ZC3H11A: variants seen among roughly 807,000 people sequenced by gnomAD.
The protein encoded by ZC3H11A is zinc finger CCCH-type containing 11A.
ZC3H11A carries 22 observed loss-of-function variants against 90.8 expected under a neutral mutation model. The ratio of observed to expected loss-of-function variants is 0.24; its 90% CI spans 0.17 to 0.35. The LOEUF (loss-of-function observed/expected upper bound fraction) is 0.35. ZC3H11A is among the 10% of genes least tolerant of loss of function. ZC3H11A has a pLI of 1.00. For missense variants in ZC3H11A, 701 were observed against 964.9 expected (o/e 0.73, Z 3.62); for synonymous variants, 294 against 339.8 (o/e 0.87, Z 1.48).
At position 203,848,312 on chromosome 1, in the gene ZC3H11A, GT is replaced by G; in HGVS notation, c.1547-18del. The G allele has an allele frequency of 6.3e-7, 1 of 1,586,504 alleles. No homozygotes were observed. Among genetic ancestry groups the G allele is most frequent in the Non-Finnish European group, 8.6e-7 (1 of 1,168,056 alleles). On this transcript the variant is annotated intron_variant, in intron 13 of 17. Coordinates refer to ENST00000367210, the MANE Select transcript of ZC3H11A (RefSeq NM_001376342.1). ...CAGCTTAAATAAAATAACTAATGAT[GT>G]CTTTAATGTGAATACAGGGATGAAA...
intron 1 of ZC3H11A, chr1:203,800,220 C>T: frequency 6.9e-7 from 1 of 1,439,188 alleles, no homozygotes; most frequent in Non-Finnish European, 9.4e-7. Flanking sequence ...GGCTTTGACC[C>T]AGGTTGCCAT....
intron 12 of ZC3H11A, among the ~76,000 whole-genome samples, chr1:203,845,108 C>A (rs1438916218): frequency 6.6e-6 from 1 of 152,084 alleles, no homozygotes; most frequent in Non-Finnish European, 1.5e-5. Context: ...ACAGAACTCA[C>A]GCCTATGGTT....
Position 203,825,063 on chromosome 1 carries a change from C to T in ZC3H11A, c.175-3236C>T, listed in dbSNP as rs1283190975. 6.0e-5 allele frequency among the ~76,000 whole-genome samples: 7 copies of T among 116,794 alleles called. No individual in the cohort carries two copies. The East Asian group carries it at 7.5e-4, about 13-fold the overall frequency. The allele number at this position is 116,794 out of a possible 152,430, so 76.6% of individuals were successfully genotyped here. Reference sequence around the variant, plus strand: ...CTGCACTCCAACCTGGGCAACAGAGCGAGACTCCGTCTCAAAAAAAAAAAA... The same window carrying T: ...CTGCACTCCAACCTGGGCAACAGAGTGAGACTCCGTCTCAAAAAAAAAAAA... On this transcript the variant is annotated intron_variant, in intron 4 of 17. Transcript: ENST00000367210.
intron 12 of ZC3H11A, 96 bp downstream of exon 12, chr1:203,840,470 T>C: frequency 8.0e-7 from 1 of 1,256,416 alleles, no homozygotes; most frequent in Non-Finnish European, 1.1e-6. Context: ...CTAGGGCTTT[T>C]GATTTTTGTT....
intron 2 of ZC3H11A, among the ~76,000 whole-genome samples, chr1:203,810,651 C>T (rs905604315): frequency 6.6e-6 from 1 of 152,018 alleles, no homozygotes; most frequent in East Asian, 1.9e-4. Context: ...GATCTCCTGA[C>T]CTCGTGATCC....
intron 1 of ZC3H11A, chr1:203,798,183 G>A (rs1286681643): frequency 1.3e-6 from 2 of 1,536,112 alleles, no homozygotes; most frequent in Non-Finnish European, 1.7e-6. Context: ...TATTCCTACT[G>A]ATCCATTAGA....
intron 2 of ZC3H11A, chr1:203,806,110 CCT>C (rs958781184): frequency 1.2e-5 from 6 of 498,920 alleles, no homozygotes; most frequent in African/African-American, 1.2e-4. Flanking sequence ...TGTAGGACCC[CCT>C]CTCATCTTGA....
At chr1:203,831,567 A>G (rs1682387433) in intron 8 of ZC3H11A, 94 bp from the exon 9 acceptor site, 2 of 958,378 alleles carry the variant, frequency 2.1e-6, no homozygotes, top group Non-Finnish European at 3.3e-6. Flanking sequence ...ATCAGTCTGT[A>G]TTGGACTTAA....
chr1:203,799,584 G>C (rs951463211), intron 1 of ZC3H11A: 2 of 702,946 alleles, frequency 2.8e-6, no homozygotes, highest in African/African-American at 3.5e-5. Context: ...AATGACTTAT[G>C]TTTGTGATAT....
At chr1:203,847,139 G>T in intron 12 of ZC3H11A, 45 bp from the exon 13 acceptor site, 1 of 1,600,144 alleles carries the variant, frequency 6.2e-7, no homozygotes, top group South Asian at 1.1e-5. Flanking sequence ...GTCAGTAAGA[G>T]ATGAACTTCA....
At chr1:203,806,230 G>T in intron 2 of ZC3H11A, 1 of 370,008 alleles carries the variant, frequency 2.7e-6, no homozygotes, top group South Asian at 2.2e-5. Flanking sequence ...GGGCAGCGGA[G>T]CCTTAATTTC....
rs1676586253 is a variant in ZC3H11A, at chr1:203,816,958, G to A, written c.-113G>A. Reference sequence around the variant, plus strand: ...GTTTAAAGACAATTTCTGTGATCAAGTTGTCATTTGGAAGATTAAACCCAT... The same window carrying A: ...GTTTAAAGACAATTTCTGTGATCAAATTGTCATTTGGAAGATTAAACCCAT... On this transcript the variant is annotated 5_prime_UTR_variant, in exon 3 of 18. Coordinates refer to ENST00000367210, the MANE Select transcript of ZC3H11A (RefSeq NM_001376342.1). The A allele has an allele frequency of 1.6e-6, 1 of 612,018 alleles. No individual in the cohort carries two copies. Among genetic ancestry groups the A allele is most frequent in the African/African-American group, 1.9e-5 (1 of 52,478 alleles). 37.9% of individuals were successfully genotyped at this position (612,018 alleles called of 1,614,324 possible).
intron 5 of ZC3H11A, 76 bp downstream of exon 5, chr1:203,828,498 A>G: frequency 6.7e-7 from 1 of 1,501,930 alleles, no homozygotes; most frequent in Non-Finnish European, 9.0e-7. Flanking sequence ...TACTTTTCAG[A>G]CATTGACTCC....
intron 2 of ZC3H11A, among the ~76,000 whole-genome samples, chr1:203,816,324 A>G (rs1187412477): frequency 6.6e-6 from 1 of 152,124 alleles, no homozygotes; most frequent in African/African-American, 2.4e-5. Flanking sequence ...ATATATACAT[A>G]TATGTATAAT....
intron 3 of ZC3H11A, 83 bp from the exon 4 acceptor site, chr1:203,818,486 TA>T: frequency 3.2e-6 from 5 of 1,581,586 alleles, no homozygotes; most frequent in Non-Finnish European, 4.3e-6. Flanking sequence ...TGTGCTTGTC[TA>T]AATTCCAGGA....
chr1:203,838,701 A>G (rs549919419), intron 11 of ZC3H11A, among the ~76,000 whole-genome samples: 34 of 152,322 alleles, frequency 2.2e-4, no homozygotes, highest in African/African-American at 8.2e-4. Flanking sequence ...CTGTAATCCC[A>G]GTACTTTGGG....
At chr1:203,815,769 G>T (rs1301853881) in intron 2 of ZC3H11A, among the ~76,000 whole-genome samples, 1 of 152,102 alleles carries the variant, frequency 6.6e-6, no homozygotes, top group African/African-American at 2.4e-5. Context: ...GACTGAATTT[G>T]ATTTAATTGA....
Position 203,807,972 on chromosome 1 carries a change from G to T in ZC3H11A, c.-146+4956G>T, listed in dbSNP as rs1672953146. On this transcript the variant is annotated intron_variant, in intron 2 of 17. Transcript: ENST00000367210. ...GCCCAGGCTGGTCTTGAACTCCTGGGTTCAAGCAGTCCTCCTGTCTCGGCC... is the reference window on the plus strand; with the variant it reads ...GCCCAGGCTGGTCTTGAACTCCTGGTTTCAAGCAGTCCTCCTGTCTCGGCC... Among the ~76,000 whole-genome samples the T allele has an allele frequency of 2.0e-5, 3 of 152,024 alleles. No individual in the cohort carries two copies. In the South Asian group the frequency reaches 6.2e-4, roughly 32 times the overall value.
chr1:203,807,802 G>A (rs1672892014), intron 2 of ZC3H11A, among the ~76,000 whole-genome samples: 1 of 151,870 alleles, frequency 6.6e-6, no homozygotes, highest in African/African-American at 2.4e-5. Context: ...AGTGCAGTGG[G>A]GCAGTCACGG....
Sources: gnomAD v4.1 joint callset for allele counts (sites outside exome capture counted in the v4.1 genomes callset) on GRCh38, gnomAD v4.1.1 for gene constraint, MANE v1.5 for transcripts, NCBI Gene and HGNC (gene_info 2026-07-23, HGNC 2026-07-21) for gene names.